The following MOB3B variants were observed in gnomAD, a reference collection of about 807,000 sequenced individuals.
MOB3B encodes MOB kinase activator 3B.
MOB3B carries 7 observed loss-of-function variants against 18.7 expected under a neutral mutation model. The ratio of observed to expected loss-of-function variants is 0.37; its 90% confidence interval spans 0.21 to 0.70. The LOEUF is 0.70. MOB3B is among the 30% of genes least tolerant of loss of function. The probability of loss-of-function intolerance (pLI) is 0.52; values close to 1 mark genes in which losing one functional copy is unlikely to be tolerated. For missense variants in MOB3B, 253 were observed against 281.3 expected (o/e 0.90, Z 0.72); for synonymous variants, 111 against 99.9 (o/e 1.11, Z -0.66).
intron 2 of MOB3B, among the ~76,000 whole-genome samples, chr9:27,404,486 T>C (rs1283403632): frequency 6.6e-6 from 1 of 151,056 alleles, no homozygotes; most frequent in Non-Finnish European, 1.5e-5. Context: ...GCTTCCCGAG[T>C]AGCTGGCATT....
chr9:27,348,282 A>G (rs974370024), intron 3 of MOB3B, among the ~76,000 whole-genome samples: 12 of 152,204 alleles, frequency 7.9e-5, no homozygotes, highest in African/African-American at 2.9e-4. Context: ...CACCAGTTTA[A>G]AAATGTTGGT....
chr9:27,331,728 C>T (rs961661780), intron 3 of MOB3B, among the ~76,000 whole-genome samples: 4 of 152,164 alleles, frequency 2.6e-5, no homozygotes, highest in Non-Finnish European at 2.9e-5. Flanking sequence ...GTTAGATGAA[C>T]GATCTTCCAA....
intron 1 of MOB3B, among the ~76,000 whole-genome samples, chr9:27,502,051 G>A (rs1211026319): frequency 1.3e-5 from 2 of 152,070 alleles, no homozygotes; most frequent in South Asian, 2.1e-4. Flanking sequence ...CCATCAATTT[G>A]CCTCTCTTAT....
intron 3 of MOB3B, among the ~76,000 whole-genome samples, chr9:27,335,044 A>G (rs1332200810): frequency 6.6e-6 from 1 of 152,148 alleles, no homozygotes; most frequent in Non-Finnish European, 1.5e-5. Flanking sequence ...TGACCTCGTG[A>G]TCCGCCTGCC....
intron 2 of MOB3B, among the ~76,000 whole-genome samples, chr9:27,362,453 G>A (rs28489705): frequency 0.038 from 5,823 of 152,096 alleles, 397 homozygotes; most frequent in African/African-American, 0.13. Flanking sequence ...TGGAACTTTG[G>A]GAGTAAGTTC....
intron 2 of MOB3B, among the ~76,000 whole-genome samples, chr9:27,386,036 A>G (rs1821646964): frequency 6.6e-6 from 1 of 152,346 alleles, no homozygotes; most frequent in Admixed American, 6.5e-5. Flanking sequence ...AGACATGTGC[A>G]AGAAGCACAT....
At position 27,524,328 on chromosome 9, in the gene MOB3B, G is replaced by GAAA. The variant is rs112562467; in HGVS notation, c.-199+5226_-199+5227insTTT. 7 of 1,602,570 alleles carry GAAA rather than the reference G, an allele frequency of 4.4e-6. No homozygotes were observed. The African/African-American group carries it at 9.5e-5, about 22-fold the overall frequency. ...ACACATCTTCTGGATTTTTTAGCTT[G>GAAA]CAAAAAAAATGAGCACCAAACCTGA... On this transcript the variant is annotated intron_variant, in intron 1 of 3. Coordinates refer to ENST00000262244, the MANE Select transcript of MOB3B (RefSeq NM_024761.5).
At chr9:27,485,057 G>A (rs533942710) in intron 1 of MOB3B, among the ~76,000 whole-genome samples, 19 of 152,258 alleles carry the variant, frequency 1.2e-4, no homozygotes, top group Admixed American at 2.0e-4. Flanking sequence ...AGTGTTTTGC[G>A]TGGCCAGATG....
chr9:27,458,352 T>C (rs994050797), intron 1 of MOB3B, among the ~76,000 whole-genome samples: 4 of 152,038 alleles, frequency 2.6e-5, no homozygotes, highest in African/African-American at 4.8e-5. Flanking sequence ...CTCTGACACC[T>C]CTGACGGGAG....
intron 2 of MOB3B, among the ~76,000 whole-genome samples, chr9:27,453,621 A>T (rs1822826377): frequency 1.3e-5 from 2 of 152,102 alleles, no homozygotes; most frequent in Admixed American, 1.3e-4. Context: ...ACTTCTGGTC[A>T]GTACTCTCTG....
At chr9:27,495,460 T>C (rs992944370) in intron 1 of MOB3B, among the ~76,000 whole-genome samples, 3 of 152,158 alleles carry the variant, frequency 2.0e-5, no homozygotes, top group African/African-American at 7.2e-5. Context: ...CTGAGGGACA[T>C]TTCCACCATA....
Position 27,325,487 on chromosome 9 carries a change from A to G in MOB3B, c.*5100T>C, listed in dbSNP as rs867702734. 2 of 152,368 alleles carry G rather than the reference A, an allele frequency of 1.3e-5. No individual in the cohort carries two copies. Among genetic ancestry groups the G allele is most frequent in the East Asian group, 3.9e-4 (2 of 5,188 alleles). 9.4% of individuals were successfully genotyped at this position (152,368 alleles called of 1,614,324 possible). On this transcript the variant is annotated 3_prime_UTR_variant, in exon 4 of 4. Transcript: ENST00000262244. Reference sequence around the variant, plus strand: ...TTGATTAGAAATGGACTCTTCCTTCATAAGTTACACAAATCCTTATGTAGT... The same window carrying G: ...TTGATTAGAAATGGACTCTTCCTTCGTAAGTTACACAAATCCTTATGTAGT...
At chr9:27,389,377 T>C (rs1169887989) in intron 2 of MOB3B, among the ~76,000 whole-genome samples, 1 of 122,986 alleles carries the variant, frequency 8.1e-6, no homozygotes, top group Non-Finnish European at 1.6e-5. Flanking sequence ...CCACTCCTCT[T>C]TCTGATTACG....
intron 1 of MOB3B, among the ~76,000 whole-genome samples, chr9:27,511,812 TC>T (rs1469746239): frequency 6.6e-6 from 1 of 152,142 alleles, no homozygotes; most frequent in Non-Finnish European, 1.5e-5. Context: ...AACCCCCTGA[TC>T]TAACTTATAC....
chr9:27,403,505 G>A (rs1821916247), intron 2 of MOB3B, among the ~76,000 whole-genome samples: 1 of 143,588 alleles, frequency 7.0e-6, no homozygotes, highest in Non-Finnish European at 1.5e-5. Flanking sequence ...GCTTGGTCTG[G>A]CTCTTTACTA....
At chr9:27,377,034 C>T (rs1398075556) in intron 2 of MOB3B, among the ~76,000 whole-genome samples, 1 of 152,224 alleles carries the variant, frequency 6.6e-6, no homozygotes, top group Non-Finnish European at 1.5e-5. Flanking sequence ...CTTAGCCTCT[C>T]TGAGGCTGTT....
chr9:27,380,197 T>C (rs185688062), intron 2 of MOB3B, among the ~76,000 whole-genome samples: 1 of 152,194 alleles, frequency 6.6e-6, no homozygotes, highest in East Asian at 1.9e-4. Context: ...AAATATGTTT[T>C]ATTTTCCCTC....
intron 2 of MOB3B, among the ~76,000 whole-genome samples, chr9:27,403,361 A>T (rs1309161349): frequency 2.0e-5 from 3 of 152,176 alleles, no homozygotes; most frequent in African/African-American, 7.2e-5. Flanking sequence ...CTTAGGAGAA[A>T]GTCAGTTACT....
rs2131501905 is a variant in MOB3B, at chr9:27,512,498, G to A, written c.-199+17057C>T. On this transcript the variant is annotated intron_variant, in intron 1 of 3. Transcript: ENST00000262244. The stretch of plus-strand genomic sequence containing the variant: ...AAAGTTTAATAAAAATATTGCTGAA[G>A]GTTGAATTTTCTATGTTTCAACCTT... Among the ~76,000 whole-genome samples the A allele has an allele frequency of 1.3e-5, 2 of 152,208 alleles. 1 individual carries two copies. Among genetic ancestry groups the A allele is most frequent in the South Asian group, 4.2e-4 (2 of 4,812 alleles).
Sources: allele counts gnomAD v4.1 joint callset (sites outside exome capture counted in the v4.1 genomes callset), GRCh38; gene constraint gnomAD v4.1.1; transcripts MANE v1.5; gene names NCBI Gene and HGNC (gene_info 2026-07-23, HGNC 2026-07-21).